SLC43A2: variants seen among roughly 807,000 people sequenced by gnomAD.
The protein encoded by SLC43A2 is solute carrier family 43 member 2.
SLC43A2 carries 38 observed loss-of-function variants against 63.2 expected under a neutral mutation model. The ratio of observed to expected loss-of-function variants is 0.60; its 90% confidence interval spans 0.46 to 0.79. The LOEUF (loss-of-function observed/expected upper bound fraction) is 0.79, where lower values mean the gene tolerates loss of function less well. SLC43A2 is among the 30% of genes least tolerant of loss of function. The pLI is 0.00. For missense variants in SLC43A2, 644 were observed against 756.2 expected (o/e 0.85, Z 1.74); for synonymous variants, 322 against 331.0 (o/e 0.97, Z 0.30).
intron 11 of SLC43A2, among the ~76,000 whole-genome samples, chr17:1,579,210 C>T (rs906448274): frequency 1.3e-5 from 2 of 150,886 alleles, no homozygotes; most frequent in Admixed American, 6.6e-5. Context: ...CCTGTAGTCC[C>T]AGCACTTTGG....
intron 5 of SLC43A2, among the ~76,000 whole-genome samples, chr17:1,600,152 A>ATATATATATATATATATATTTTTT (rs1216616243): frequency 5.0e-5 from 3 of 60,272 alleles, no homozygotes; most frequent in Non-Finnish European, 6.4e-5. Flanking sequence ...ATATATATAT[A>ATATATATATATATATATATTTTTT]TTTTTTTTTT....
At chr17:1,591,952 C>T (rs1433284712) in intron 6 of SLC43A2, among the ~76,000 whole-genome samples, 1 of 152,230 alleles carries the variant, frequency 6.6e-6, no homozygotes, top group Non-Finnish European at 1.5e-5. Flanking sequence ...CCTTCCTGAC[C>T]GCCCCGCCAT....
intron 10 of SLC43A2, among the ~76,000 whole-genome samples, chr17:1,584,540 G>GT (rs980848564): frequency 2.6e-5 from 4 of 152,160 alleles, no homozygotes; most frequent in African/African-American, 9.7e-5. Flanking sequence ...TTGGCTGGGC[G>GT]TGGTGGCTTA....
chr17:1,600,112 T>TA (rs1389880872), intron 5 of SLC43A2, among the ~76,000 whole-genome samples: 8 of 134,122 alleles, frequency 6.0e-5, no homozygotes, highest in Non-Finnish European at 1.1e-4. Flanking sequence ...TTTTTTTTTT[T>TA]ACAGTAAGCT....
At chr17:1,629,083 C>G (rs1908963388), upstream of SLC43A2, among the ~76,000 whole-genome samples, 1 of 152,310 alleles carries the variant, frequency 6.6e-6, no homozygotes, top group Middle Eastern at 3.4e-3. Flanking sequence ...CACAGCGCGG[C>G]CGGGAATCCC....
At position 1,578,559 on chromosome 17, in the gene SLC43A2, G is replaced by A; in HGVS notation, c.1351-236C>T. On this transcript the variant is annotated intron_variant, in intron 11 of 13. Coordinates refer to ENST00000301335, the MANE Select transcript of SLC43A2 (RefSeq NM_152346.3). This position sits in a 1 kb window ranked among gnomAD's most constrained non-coding sequence, Gnocchi z 6.5. ...TTTGTTTTGTTTGAGAAGAAGTCTT[G>A]CTTTGTCGCCCAGGCTGGAGTGCAG... is the stretch of plus-strand genomic sequence containing the variant. The A allele has an allele frequency of 1.9e-6, 1 of 523,638 alleles. No homozygotes were observed. The highest frequency in any genetic ancestry group is 3.4e-6 in the Non-Finnish European group (1 of 291,416). The allele number at this position is 523,638 out of a possible 1,614,324, so 32.4% of individuals were successfully genotyped here.
At chr17:1,604,558 T>C in intron 5 of SLC43A2, 1 of 669,152 alleles carries the variant, frequency 1.5e-6, no homozygotes, top group African/African-American at 1.8e-5. Flanking sequence ...CTGAACTTAG[T>C]GTAGACATCT....
chr17:1,587,728 G>C (rs984278654), intron 9 of SLC43A2, among the ~76,000 whole-genome samples: 1 of 151,976 alleles, frequency 6.6e-6, no homozygotes, highest in African/African-American at 2.4e-5. Context: ...AAATGATGAC[G>C]TAAACAGATG....
In SLC43A2 at chr17:1,605,910, G is replaced by A. The variant is rs1906570345; in HGVS notation, c.501+7285C>T. 6.6e-6 allele frequency among the ~76,000 whole-genome samples: 1 copy of A among 152,162 alleles called. No individual in the cohort carries two copies. Among genetic ancestry groups the A allele is most frequent in the African/African-American group, 2.4e-5 (1 of 41,440 alleles). ...CCCGGCCACCTCCTGTGCCTTCCCG[G>A]CCGGGTCCAGTCCTGCCAATACCGC... On this transcript the variant is annotated intron_variant, in intron 5 of 13. Transcript: ENST00000301335. The surrounding 1 kb of genome is among the most constrained non-coding windows in gnomAD (Gnocchi z 4.9).
intron 5 of SLC43A2, 150 bp downstream of exon 5, chr17:1,613,045 C>T: frequency 5.9e-6 from 4 of 675,554 alleles, no homozygotes; most frequent in Non-Finnish European, 7.8e-6. Context: ...GGAGGCCCTG[C>T]CAGGCCACCT....
chr17:1,614,130 C>T (rs1478999408), intron 4 of SLC43A2, among the ~76,000 whole-genome samples: 1 of 152,086 alleles, frequency 6.6e-6, no homozygotes, highest in African/African-American at 2.4e-5. Flanking sequence ...GTGGTCCCAA[C>T]TACACAGGAG....
rs1216616243 is a variant in SLC43A2 at position 1,600,152 on chromosome 17, A to ATATATTT, written c.502-6874_502-6873insAAATATA. The stretch of plus-strand genomic sequence containing the variant: ...ATTAATTGAATATATATATATATAT[A>ATATATTT]TTTTTTTTTTTTTTTTGAGACGGAG... On this transcript the variant is annotated intron_variant, in intron 5 of 13. Transcript: ENST00000301335. 3.8e-4 allele frequency among the ~76,000 whole-genome samples: 23 copies of ATATATTT among 60,278 alleles called. No homozygotes were observed. In the South Asian group the frequency reaches 4.8e-3, roughly 13 times the overall value. The allele number at this position is 60,278 out of a possible 152,430, so 39.5% of individuals were successfully genotyped here.
chr17:1,616,498 G>T lies in SLC43A2; in HGVS notation c.368+64C>A, dbSNP rs1598489269. The T allele has an allele frequency of 2.1e-5, 31 of 1,479,162 alleles. No individual in the cohort carries two copies. The East Asian group carries it at 7.1e-4, about 34-fold the overall frequency. The allele number at this position is 1,479,162 out of a possible 1,614,324, so 91.6% of individuals were successfully genotyped here. A position where few individuals can be genotyped will look rare whatever the true frequency, so the allele number is the denominator to read the frequency against. On this transcript the variant is annotated intron_variant, in intron 3 of 13. Coordinates refer to ENST00000301335, the MANE Select transcript of SLC43A2 (RefSeq NM_152346.3). ...TCAGGTACGACCAGGATACCCTTCT[G>T]TGGGGAACTCAGCCCAGGGGGTCCA...
upstream of SLC43A2, chr17:1,628,838 C>A (rs1454475134): frequency 6.6e-6 from 1 of 152,540 alleles, no homozygotes; most frequent in African/African-American, 2.4e-5. Context: ...GCCTTTTCTG[C>A]CCTCTTTTAT....
chr17:1,581,645 C>T lies in SLC43A2; in HGVS notation c.1350+1559G>A, dbSNP rs181701584. 5.2e-3 allele frequency among the ~76,000 whole-genome samples: 787 copies of T among 152,280 alleles called. 4 individuals carry two copies. Among genetic ancestry groups the T allele is most frequent in the Non-Finnish European group, 8.4e-3 (572 of 68,026 alleles). ...CTGGAAGGAAAAGCCACACTTGCGT[C>T]CCTCCACCATTTGTAAATTTAGGGA... On this transcript the variant is annotated intron_variant, in intron 11 of 13. Transcript: ENST00000301335.
At chr17:1,591,531 C>T in intron 7 of SLC43A2, 35 bp downstream of exon 7, 1 of 1,599,056 alleles carries the variant, frequency 6.3e-7, no homozygotes, top group South Asian at 1.1e-5. Context: ...GGGGCGGGGG[C>T]TGGGGGCAGG....
intron 5 of SLC43A2, among the ~76,000 whole-genome samples, chr17:1,612,213 C>CCCA (rs1472506512): frequency 1.3e-5 from 2 of 152,174 alleles, no homozygotes; most frequent in Non-Finnish European, 2.9e-5. Flanking sequence ...ATCCGCCTGC[C>CCCA]TCAGTCTCCC....
rs1598438254 is a variant in SLC43A2, at chr17:1,583,486, G to A, written c.1218-150C>T. On this transcript the variant is annotated intron_variant, in intron 10 of 13. Coordinates refer to ENST00000301335, the MANE Select transcript of SLC43A2 (RefSeq NM_152346.3). The surrounding 1 kb of genome is among the most constrained non-coding windows in gnomAD (Gnocchi z 5.5). ...CGTTTTAGGGACTGTGTCGGGGCTGGACCAGCACTACGGACACTCCCCGGC... is the reference window on the plus strand; with the variant it reads ...CGTTTTAGGGACTGTGTCGGGGCTGAACCAGCACTACGGACACTCCCCGGC... 7.3e-7 allele frequency: 1 copy of A among 1,369,090 alleles called. No individual in the cohort carries two copies. The highest frequency in any genetic ancestry group is 2.4e-5 in the Admixed American group (1 of 42,108). The allele number at this position is 1,369,090 out of a possible 1,614,324, so 84.8% of individuals were successfully genotyped here. A position where few individuals can be genotyped will look rare whatever the true frequency, so the allele number is the denominator to read the frequency against.
chr17:1,599,402 G>C (rs1905677243), intron 5 of SLC43A2, among the ~76,000 whole-genome samples: 2 of 151,662 alleles, frequency 1.3e-5, no homozygotes, highest in Admixed American at 1.3e-4. Flanking sequence ...AAAGAATAAG[G>C]TAAAAATCAC....
Sources: gnomAD v4.1 joint callset for allele counts (sites outside exome capture counted in the v4.1 genomes callset) on GRCh38, gnomAD v4.1.1 for gene constraint, Gnocchi (gnomAD v3.1) non-coding constraint, MANE v1.5 for transcripts, NCBI Gene and HGNC (gene_info 2026-07-23, HGNC 2026-07-21) for gene names.